TUSC3: variants seen among roughly 807,000 people sequenced by gnomAD.
TUSC3 encodes dolichyl-diphosphooligosaccharide--protein glycosyltransferase subunit TUSC3.
A neutral mutation model predicts 44.8 loss-of-function variants in TUSC3; 45 were observed. That is an observed-to-expected ratio of 1.00 (90% CI 0.79 to 1.29). TUSC3 has a LOEUF of 1.29. Ranked by LOEUF, TUSC3 falls within the 50% of genes most tolerant of loss-of-function variation. The pLI is 0.00. For missense variants in TUSC3, 519 were observed against 437.9 expected, an observed-to-expected ratio of 1.19 and a Z score of -1.65; for synonymous variants, 212 against 152.9, an observed-to-expected ratio of 1.39 and a Z score of -2.85.
intron 10 of TUSC3, among the ~76,000 whole-genome samples, chr8:15,758,775 C>T (rs1812044216): frequency 6.6e-6 from 1 of 152,130 alleles, no homozygotes; most frequent in Non-Finnish European, 1.5e-5. Context: ...GTGGTTAACA[C>T]TTTACATAGG....
the TUSC3 span, among the ~76,000 whole-genome samples, chr8:15,792,523 G>A: frequency 2.0e-5 from 3 of 152,100 alleles, no homozygotes; most frequent in East Asian, 1.9e-4. Flanking sequence ...ATTCATGATC[G>A]GGGACCTCTA....
rs190951288 is a variant in TUSC3 at position 15,570,224 on chromosome 8, C to T, written c.138+29656C>T. On this transcript the variant is annotated intron_variant, in intron 1 of 10. Transcript: ENST00000503731. Reference sequence around the variant, plus strand: ...ATTTATTTCACAAAACACTCCACATCTTTTTCCAGTGTTAAAGCAACCTTG... The same window carrying T: ...ATTTATTTCACAAAACACTCCACATTTTTTTCCAGTGTTAAAGCAACCTTG... 2.2e-3 allele frequency among the ~76,000 whole-genome samples: 337 copies of T among 151,174 alleles called. 2 individuals carry two copies. The highest frequency in any genetic ancestry group is 6.8e-3 in the Admixed American group (103 of 15,168).
rs139675075 is a variant in TUSC3 at position 15,716,316 on chromosome 8, C to T, written c.799-14350C>T. Among the ~76,000 whole-genome samples the T allele has an allele frequency of 1.8e-3, 266 of 151,870 alleles. 2 individuals carry two copies. The East Asian group carries it at 0.042, about 24-fold the overall frequency. On this transcript the variant is annotated intron_variant, in intron 6 of 10. Transcript: ENST00000503731. ...GTGAATGTTCTTGTTTTCATTAATA[C>T]ATATTTCTGATTAAGGACAAATCTG...
At chr8:15,815,392 T>A in the TUSC3 span, among the ~76,000 whole-genome samples, 1 of 152,100 alleles carries the variant, frequency 6.6e-6, no homozygotes, top group East Asian at 1.9e-4. Flanking sequence ...TAATAAGTGA[T>A]ATTTAGTCTT....
intron 6 of TUSC3, among the ~76,000 whole-genome samples, chr8:15,674,323 T>C (rs35181248): frequency 0.22 from 33,483 of 151,924 alleles, 4,389 homozygotes; most frequent in Non-Finnish European, 0.3. Context: ...TAGCAGAGTT[T>C]ACGTTAGTAA....
At chr8:15,507,193 C>A (rs1251787313) in intron 2 of TUSC3, among the ~76,000 whole-genome samples, 2 of 152,104 alleles carry the variant, frequency 1.3e-5, no homozygotes, top group African/African-American at 4.8e-5. Context: ...AGGAACTTGG[C>A]TCTGCATTCA....
chr8:15,504,132 G>A (rs1801013113), intron 2 of TUSC3, among the ~76,000 whole-genome samples: 1 of 152,196 alleles, frequency 6.6e-6, no homozygotes, highest in South Asian at 2.1e-4. Context: ...AGAAAGCCAT[G>A]AATACAATAG....
intron 6 of TUSC3, among the ~76,000 whole-genome samples, chr8:15,695,246 G>A (rs1809109577): frequency 6.6e-6 from 1 of 152,132 alleles, no homozygotes; most frequent in African/African-American, 2.4e-5. Context: ...GGGACCCAGT[G>A]GGAGGTAATT....
intron 1 of TUSC3, among the ~76,000 whole-genome samples, chr8:15,446,937 A>G (rs1800112927): frequency 6.6e-6 from 1 of 152,084 alleles, no homozygotes; most frequent in African/African-American, 2.4e-5. Flanking sequence ...ATACAGACTT[A>G]AAAATGCAAT....
chr8:15,617,139 T>TG (rs772712798), intron 1 of TUSC3, among the ~76,000 whole-genome samples: 786 of 60,124 alleles, frequency 0.013, 27 homozygotes, highest in African/African-American at 0.043. Flanking sequence ...TGTGTATATA[T>TG]TTTTTTTTTT....
chr8:15,701,087 G>C (rs1809384100), intron 6 of TUSC3, among the ~76,000 whole-genome samples: 1 of 151,886 alleles, frequency 6.6e-6, no homozygotes, highest in Non-Finnish European at 1.5e-5. Context: ...ATCTTGTCTG[G>C]AATTAGAAAT....
chr8:15,789,350 T>C, the TUSC3 span, among the ~76,000 whole-genome samples: 3 of 152,186 alleles, frequency 2.0e-5, no homozygotes, highest in African/African-American at 7.2e-5. Flanking sequence ...AATGAAATCA[T>C]AGAAAATAGC....
At chr8:15,683,466 C>T (rs960810033) in intron 6 of TUSC3, among the ~76,000 whole-genome samples, 1 of 151,818 alleles carries the variant, frequency 6.6e-6, no homozygotes, top group African/African-American at 2.4e-5. Context: ...TTTGAAATTC[C>T]TATGGTGGAT....
chr8:15,775,645 T>TATATACACATAC, the TUSC3 span, among the ~76,000 whole-genome samples: 3 of 134,494 alleles, frequency 2.2e-5, no homozygotes, highest in African/African-American at 7.9e-5. Flanking sequence ...TATATATATA[T>TATATACACATAC]ATATACACAC....
At chr8:15,644,480 G>T (rs1013498589) in intron 2 of TUSC3, among the ~76,000 whole-genome samples, 1 of 152,188 alleles carries the variant, frequency 6.6e-6, no homozygotes, top group African/African-American at 2.4e-5. Flanking sequence ...TGGTAGTGAG[G>T]TCAGAAGTGT....
intron 1 of TUSC3, among the ~76,000 whole-genome samples, chr8:15,605,856 A>G (rs1435898895): frequency 6.6e-6 from 1 of 152,042 alleles, no homozygotes; most frequent in African/African-American, 2.4e-5. Flanking sequence ...GTTATAGGCT[A>G]CTGTCATAAC....
Position 15,662,146 on chromosome 8 carries a change from A to T in TUSC3, c.568-10A>T, listed in dbSNP as rs374654669. 2.7e-5 allele frequency: 43 copies of T among 1,612,368 alleles called. No homozygotes were observed. Among genetic ancestry groups the T allele is most frequent in the South Asian group, 1.6e-4 (15 of 90,992 alleles). On this transcript the variant is annotated splice_polypyrimidine_tract_variant and intron_variant, in intron 4 of 10. Transcript: ENST00000503731. The stretch of plus-strand genomic sequence containing the variant: ...CTTTCATTTTTGAAATTTCTATTGC[A>T]TTTTTGCAGATTCGGGTTTTCAGAC...
intron 1 of TUSC3, among the ~76,000 whole-genome samples, chr8:15,600,857 G>C (rs189208959): frequency 6.6e-6 from 1 of 151,808 alleles, no homozygotes; most frequent in Admixed American, 6.6e-5. Flanking sequence ...TGTGCTATCA[G>C]TGTAAAATTG....
the TUSC3 span, among the ~76,000 whole-genome samples, chr8:15,822,239 C>T: frequency 6.6e-6 from 1 of 152,122 alleles, no homozygotes; most frequent in Non-Finnish European, 1.5e-5. Context: ...GGTTGAAATG[C>T]TTATTGACTA....
Sources: allele counts gnomAD v4.1 joint callset (sites outside exome capture counted in the v4.1 genomes callset), GRCh38; gene constraint gnomAD v4.1.1; transcripts MANE v1.5; gene names NCBI Gene and HGNC (gene_info 2026-07-23, HGNC 2026-07-21).